STX7: variants seen among roughly 807,000 people sequenced by gnomAD.
STX7 encodes the protein syntaxin-7.
STX7 carries 34 observed loss-of-function variants against 39.6 expected under a neutral mutation model. The ratio of observed to expected loss-of-function variants is 0.86; its 90% confidence interval spans 0.65 to 1.14. The LOEUF is 1.14. Ranked by LOEUF, STX7 falls within the 50% of genes most tolerant of loss-of-function variation. The probability of loss-of-function intolerance (pLI) is 0.00; values close to 1 mark genes in which losing one functional copy is unlikely to be tolerated. For missense variants in STX7, 284 were observed against 310.4 expected, an observed-to-expected ratio of 0.92 and a Z score of 0.64; for synonymous variants, 119 against 99.1, an observed-to-expected ratio of 1.20 and a Z score of -1.19.
At chr6:132,512,709 G>A (rs912858510) in intron 1 of STX7, among the ~76,000 whole-genome samples, 3 of 152,120 alleles carry the variant, frequency 2.0e-5, no homozygotes, top group African/African-American at 7.2e-5. Flanking sequence ...TGCGCCTCCG[G>A]AGCTCTGCCC....
At chr6:132,470,179 T>A (rs1288002463) in intron 6 of STX7, 132 bp from the exon 7 acceptor site, 1 of 575,360 alleles carries the variant, frequency 1.7e-6, no homozygotes. Context: ...CTCAAAAAAA[T>A]TCTAAGAATA....
rs1043236615 is a variant in STX7 at position 132,455,305 on chromosome 6, G to A, written c.*5453C>T. The stretch of plus-strand genomic sequence containing the variant: ...CAGAGGGCATTAAAAAGTGAAACTA[G>A]GTATCAGAAAAATCTTAGTCGAGGC... On this transcript the variant is annotated 3_prime_UTR_variant, in exon 10 of 10. Transcript: ENST00000367941. 1 of 152,122 alleles carries A rather than the reference G, an allele frequency of 6.6e-6. No homozygotes were observed. The highest frequency in any genetic ancestry group is 1.5e-5 in the Non-Finnish European group (1 of 68,010). The allele number at this position is 152,122 out of a possible 1,614,324, so 9.4% of individuals were successfully genotyped here.
At chr6:132,489,221 AAAAAG>A (rs1431123428) in intron 2 of STX7, among the ~76,000 whole-genome samples, 16 of 145,230 alleles carry the variant, frequency 1.1e-4, no homozygotes, top group African/African-American at 3.8e-4. Context: ...AAAAAAAAAA[AAAAAG>A]GATGATATAT....
chr6:132,499,383 C>A (rs1360726345), intron 2 of STX7, among the ~76,000 whole-genome samples: 2 of 152,154 alleles, frequency 1.3e-5, no homozygotes, highest in Admixed American at 6.6e-5. Context: ...GCCACCTGAT[C>A]AATGACATAA....
intron 1 of STX7, among the ~76,000 whole-genome samples, chr6:132,506,079 A>AT (rs928472073): frequency 2.6e-5 from 4 of 151,876 alleles, no homozygotes; most frequent in Non-Finnish European, 5.9e-5. Context: ...CTGTCAACAT[A>AT]TAAAAAAAAA....
At chr6:132,510,419 C>G (rs961737662) in intron 1 of STX7, among the ~76,000 whole-genome samples, 1 of 152,150 alleles carries the variant, frequency 6.6e-6, no homozygotes, top group African/African-American at 2.4e-5. Context: ...TTATTTTAAG[C>G]TGCTAACAAG....
rs878937640 is a variant in STX7 at position 132,447,549 on chromosome 6, A to G, written c.*13209T>C. The stretch of plus-strand genomic sequence containing the variant: ...AAAATTGAGTGACTTCAAATACAAC[A>G]TAATAGTTTTTTTTTCCGTTTTGCC... On this transcript the variant is annotated 3_prime_UTR_variant, in exon 10 of 10. Transcript: ENST00000367941. 6 of 142,676 alleles carry G rather than the reference A, an allele frequency of 4.2e-5. No homozygotes were observed. Among genetic ancestry groups the G allele is most frequent in the African/African-American group, 1.6e-4 (6 of 38,012 alleles). 8.8% of individuals were successfully genotyped at this position (142,676 alleles called of 1,614,324 possible). A position where few individuals can be genotyped will look rare whatever the true frequency, so the allele number is the denominator to read the frequency against.
chr6:132,505,757 A>AAAAAC (rs1554252684), intron 1 of STX7, among the ~76,000 whole-genome samples: 36 of 145,014 alleles, frequency 2.5e-4, no homozygotes, highest in South Asian at 4.3e-4. Context: ...AAAAAAAAAA[A>AAAAAC]AAAAAAACAC....
At chr6:132,473,993 G>T (rs1193976745) in intron 3 of STX7, among the ~76,000 whole-genome samples, 3 of 151,460 alleles carry the variant, frequency 2.0e-5, no homozygotes, top group Admixed American at 6.6e-5. Context: ...ACTCTGGGAG[G>T]GTGAGGTGGG....
At chr6:132,490,540 A>G (rs1775253489) in intron 2 of STX7, among the ~76,000 whole-genome samples, 1 of 152,202 alleles carries the variant, frequency 6.6e-6, no homozygotes, top group South Asian at 2.1e-4. Context: ...TTAACACAAA[A>G]TGTGTAAATA....
At chr6:132,476,881 C>A (rs1007827223) in intron 2 of STX7, among the ~76,000 whole-genome samples, 1 of 151,820 alleles carries the variant, frequency 6.6e-6, no homozygotes, top group Admixed American at 6.6e-5. Flanking sequence ...ATAAATAAAA[C>A]GTCAAGTAGA....
intron 3 of STX7, among the ~76,000 whole-genome samples, chr6:132,473,720 C>T (rs1053761884): frequency 6.6e-6 from 1 of 151,878 alleles, no homozygotes; most frequent in South Asian, 2.1e-4. Context: ...ACATCAGTAC[C>T]TCTTATATAT....
chr6:132,459,299 T>G lies in STX7; in HGVS notation c.*1459A>C, dbSNP rs545456815. On this transcript the variant is annotated 3_prime_UTR_variant, in exon 10 of 10. Coordinates refer to ENST00000367941, the MANE Select transcript of STX7 (RefSeq NM_003569.3). ...GGAAAAAAATGGAGTTTTTCTGATA[T>G]GCAAAGCAACTTCTACCAGTCTGAC... 11 of 152,226 alleles carry G rather than the reference T, an allele frequency of 7.2e-5. No individual in the cohort carries two copies. Among genetic ancestry groups the G allele is most frequent in the African/African-American group, 2.7e-4 (11 of 41,436 alleles). 9.4% of individuals were successfully genotyped at this position (152,226 alleles called of 1,614,324 possible).
At chr6:132,504,670 T>G (rs1775653572) in intron 1 of STX7, among the ~76,000 whole-genome samples, 1 of 152,168 alleles carries the variant, frequency 6.6e-6, no homozygotes, top group South Asian at 2.1e-4. Context: ...TGACACAGTA[T>G]CTGCTCAAAT....
chr6:132,480,732 T>G (rs1562329285), intron 2 of STX7, among the ~76,000 whole-genome samples: 1 of 152,174 alleles, frequency 6.6e-6, no homozygotes, highest in Admixed American at 6.5e-5. Context: ...ATCTGGGTTA[T>G]CCCAAACAGC....
intron 8 of STX7, 44 bp downstream of exon 8, chr6:132,468,359 T>C (rs374193486): frequency 1.4e-5 from 20 of 1,446,466 alleles, no homozygotes; most frequent in South Asian, 3.5e-5. Flanking sequence ...GTAAAGTGCA[T>C]GTAGCTTGCT....
At chr6:132,501,240 GAC>G (rs1775552447) in intron 2 of STX7, among the ~76,000 whole-genome samples, 1 of 152,100 alleles carries the variant, frequency 6.6e-6, no homozygotes, top group Non-Finnish European at 1.5e-5. Context: ...TTTTAGTAGA[GAC>G]AGGGTTTCTC....
At position 132,449,820 on chromosome 6, in the gene STX7, C is replaced by A. The variant is rs1431093046; in HGVS notation, c.*10938G>T. ...ACTGTTATTCTACTTCTGCTAATTG[C>A]AATACCTGAATTCCTTGAATATCTA... is the stretch of plus-strand genomic sequence containing the variant. On this transcript the variant is annotated 3_prime_UTR_variant, in exon 10 of 10. Transcript: ENST00000367941. The A allele has an allele frequency of 6.6e-6, 1 of 152,176 alleles. No homozygotes were observed. Among genetic ancestry groups the A allele is most frequent in the African/African-American group, 2.4e-5 (1 of 41,454 alleles). 9.4% of individuals were successfully genotyped at this position (152,176 alleles called of 1,614,324 possible).
chr6:132,450,100 C>G lies in STX7; in HGVS notation c.*10658G>C, dbSNP rs1460528773. ...GAGGCACAGTTTTCCTGTTTCTCAA[C>G]TACTTTAATTTTAGCCCACTCTCAT... is the stretch of plus-strand genomic sequence containing the variant. On this transcript the variant is annotated 3_prime_UTR_variant, in exon 10 of 10. Coordinates refer to ENST00000367941, the MANE Select transcript of STX7 (RefSeq NM_003569.3). The G allele has an allele frequency of 1.5e-5, 2 of 132,714 alleles. No individual in the cohort carries two copies. The highest frequency in any genetic ancestry group is 5.3e-5 in the African/African-American group (2 of 37,830). The allele number at this position is 132,714 out of a possible 1,614,324, so 8.2% of individuals were successfully genotyped here. A position where few individuals can be genotyped will look rare whatever the true frequency, so the allele number is the denominator to read the frequency against.
Sources: gnomAD v4.1 joint callset for allele counts (sites outside exome capture counted in the v4.1 genomes callset) on GRCh38, gnomAD v4.1.1 for gene constraint, MANE v1.5 for transcripts, NCBI Gene and HGNC (gene_info 2026-07-23, HGNC 2026-07-21) for gene names.